Variants in ZNF407 observed in about 807,000 individuals in gnomAD.
The protein encoded by ZNF407 is zinc finger protein 407.
A neutral mutation model predicts 131.2 loss-of-function variants in ZNF407; 17 were observed. The observed-to-expected ratio is 0.13, with a 90% CI of 0.09 to 0.19. The LOEUF (loss-of-function observed/expected upper bound fraction) is 0.19. Ranked by LOEUF, ZNF407 falls within the 10% of genes least tolerant of loss-of-function variation. ZNF407 has a pLI of 1.00. For missense variants in ZNF407, 2,681 were observed against 2,830.6 expected, an observed-to-expected ratio of 0.95 and a Z score of 1.20; for synonymous variants, 1,156 against 1,062.0, an observed-to-expected ratio of 1.09 and a Z score of -1.72.
chr18:74,632,064 A>G lies in ZNF407; in HGVS notation c.1045A>G (p.Met349Val), dbSNP rs558001922. ...GSSSELLVEM[M>V]PSRNTLSQEV... is the part of the protein sequence containing the mutation. Reference sequence around the variant, plus strand: ...TAGCAGTGAGCTTCTTGTTGAAATGATGCCTTCCAGAAATACTTTGTCACA... The same window carrying G: ...TAGCAGTGAGCTTCTTGTTGAAATGGTGCCTTCCAGAAATACTTTGTCACA... The change falls in exon 2 of 9, where the codon ATG becomes GTG. Residue 349 changes from methionine to valine, a missense_variant. This residue lies in a region of ZNF407 where 1,789 missense variants were observed against 1,748.7 expected (regional missense o/e 1.02). Coordinates refer to ENST00000299687, the MANE Select transcript of ZNF407 (RefSeq NM_017757.3). 16 of 1,613,810 alleles carry G rather than the reference A, an allele frequency of 9.9e-6. No homozygotes were observed. The South Asian group carries it at 1.6e-4, about 17-fold the overall frequency.
At chr18:74,826,350 A>G (rs1970409691) in intron 4 of ZNF407, among the ~76,000 whole-genome samples, 2 of 151,934 alleles carry the variant, frequency 1.3e-5, no homozygotes. Flanking sequence ...TTTGCATTTT[A>G]TTTCATTTAT....
intron 3 of ZNF407, among the ~76,000 whole-genome samples, chr18:74,770,908 G>C (rs756311843): frequency 1.3e-4 from 20 of 152,204 alleles, no homozygotes; most frequent in Middle Eastern, 3.4e-3. Context: ...TATTTCTTAT[G>C]AATAAGCAAA....
At chr18:74,965,931 T>C (rs1305127274) in intron 8 of ZNF407, among the ~76,000 whole-genome samples, 1 of 152,254 alleles carries the variant, frequency 6.6e-6, no homozygotes, top group African/African-American at 2.4e-5. Context: ...TGAGCACCTT[T>C]CCATATGCCT....
At chr18:74,828,937 T>C (rs2042702) in intron 4 of ZNF407, among the ~76,000 whole-genome samples, 146,076 of 152,288 alleles carry the variant, frequency 0.96, 70,373 homozygotes, top group East Asian at 1. Flanking sequence ...CGTCCTCCTC[T>C]ACCTCCCCCT....
Position 74,770,481 on chromosome 18 carries a change from C to G in ZNF407, c.4803-10947C>G, listed in dbSNP as rs112155473. Reference sequence around the variant, plus strand: ...CAACCCAGAGCTTGGCAGTCTCCCTCTTTTCCAACGAAAAAAAACAAGAAT... The same window carrying G: ...CAACCCAGAGCTTGGCAGTCTCCCTGTTTTCCAACGAAAAAAAACAAGAAT... On this transcript the variant is annotated intron_variant, in intron 3 of 8. Transcript: ENST00000299687. 1.4e-3 allele frequency among the ~76,000 whole-genome samples: 212 copies of G among 152,188 alleles called. 1 individual carries two copies. The highest frequency in any genetic ancestry group is 4.8e-3 in the African/African-American group (200 of 41,514).
chr18:74,641,333 T>C (rs1447844233), intron 3 of ZNF407, among the ~76,000 whole-genome samples: 2 of 152,212 alleles, frequency 1.3e-5, no homozygotes, highest in African/African-American at 4.8e-5. Context: ...TTTTATGGGC[T>C]ACAAGGTCAA....
rs534812534 is a variant in ZNF407 at position 74,702,695 on chromosome 18, A to G, written c.4802+61573A>G. ...CAGAAGCAGCATAGCATATACTCAC[A>G]TTTATTTATATATAAATACATATTT... On this transcript the variant is annotated intron_variant, in intron 3 of 8. Transcript: ENST00000299687. Among the ~76,000 whole-genome samples, 10 of 152,288 alleles carry G rather than the reference A, an allele frequency of 6.6e-5. No individual in the cohort carries two copies. In the South Asian group the frequency reaches 2.1e-3, roughly 32 times the overall value.
chr18:74,869,468 A>G (rs1971057146), intron 4 of ZNF407, among the ~76,000 whole-genome samples: 1 of 152,246 alleles, frequency 6.6e-6, no homozygotes, highest in Admixed American at 6.5e-5. Context: ...CATATGCAGT[A>G]TAATTCCTTC....
intron 8 of ZNF407, among the ~76,000 whole-genome samples, chr18:74,951,403 C>T (rs1440498504): frequency 2.0e-5 from 3 of 152,278 alleles, no homozygotes; most frequent in African/African-American, 7.2e-5. Context: ...TGTTGATTTG[C>T]CTAAACTGTT....
chr18:74,964,333 TCTTTG>T (rs1972384357), intron 8 of ZNF407, among the ~76,000 whole-genome samples: 1 of 152,188 alleles, frequency 6.6e-6, no homozygotes, highest in East Asian at 1.9e-4. Flanking sequence ...TGCCACCTGA[TCTTTG>T]AGTTTATCTT....
chr18:74,726,544 A>G (rs1298318230), intron 3 of ZNF407, among the ~76,000 whole-genome samples: 1 of 152,196 alleles, frequency 6.6e-6, no homozygotes, highest in Non-Finnish European at 1.5e-5. Flanking sequence ...GAATATGTAT[A>G]TATGTATTAA....
chr18:74,735,955 A>G (rs908576238), intron 3 of ZNF407, among the ~76,000 whole-genome samples: 1 of 152,220 alleles, frequency 6.6e-6, no homozygotes, highest in Admixed American at 6.5e-5. Flanking sequence ...GTAATTACAC[A>G]GTCTTTGGCT....
chr18:74,598,449 CAG>C (rs1183263836), intron 1 of ZNF407: 1 of 152,338 alleles, frequency 6.6e-6, no homozygotes, highest in Admixed American at 6.5e-5. Flanking sequence ...AAGTGGAAAA[CAG>C]ATGCTCCCCT....
intron 4 of ZNF407, among the ~76,000 whole-genome samples, chr18:74,870,778 T>C (rs1971075436): frequency 6.6e-6 from 1 of 152,232 alleles, no homozygotes; most frequent in African/African-American, 2.4e-5. Flanking sequence ...TTTTGATTAT[T>C]AAATTTCTAG....
At chr18:75,030,142 G>T (rs901489434) in intron 8 of ZNF407, among the ~76,000 whole-genome samples, 1 of 152,070 alleles carries the variant, frequency 6.6e-6, no homozygotes, top group African/African-American at 2.4e-5. Context: ...AGTATTAAAA[G>T]AAAAAACATG....
chr18:74,980,570 G>A lies in ZNF407; in HGVS notation c.5428+59878G>A, dbSNP rs546729746. ...GATCCACCCGCCTCGGCCTCCTAAA[G>A]TGCTGAGATTACAGGCGTGAGCCAC... On this transcript the variant is annotated intron_variant, in intron 8 of 8. Coordinates refer to ENST00000299687, the MANE Select transcript of ZNF407 (RefSeq NM_017757.3). Among the ~76,000 whole-genome samples the A allele has an allele frequency of 1.9e-4, 29 of 152,226 alleles. No homozygotes were observed. In the East Asian group the frequency reaches 5.6e-3, roughly 29 times the overall value.
chr18:74,962,023 A>G (rs867970951), intron 8 of ZNF407, among the ~76,000 whole-genome samples: 6 of 152,232 alleles, frequency 3.9e-5, no homozygotes, highest in South Asian at 2.1e-4. Flanking sequence ...ATGGAAGTTT[A>G]GAAGGCCATT....
intron 4 of ZNF407, among the ~76,000 whole-genome samples, chr18:74,849,164 C>A (rs1229163007): frequency 6.6e-6 from 1 of 151,158 alleles, no homozygotes; most frequent in Admixed American, 6.6e-5. Context: ...CTGCAACCTC[C>A]GCCTCCCGGT....
intron 8 of ZNF407, among the ~76,000 whole-genome samples, chr18:74,986,748 AAC>A (rs1972656753): frequency 6.6e-6 from 1 of 152,088 alleles, no homozygotes; most frequent in East Asian, 1.9e-4. Flanking sequence ...TGGATTGAAA[AAC>A]ACACACAAAC....
Sources: gnomAD v4.1 joint callset for allele counts (sites outside exome capture counted in the v4.1 genomes callset) on GRCh38, gnomAD v4.1.1 for gene constraint, gnomAD v4.1.1 regional missense constraint, MANE v1.5 for transcripts, NCBI Gene and HGNC (gene_info 2026-07-23, HGNC 2026-07-21) for gene names.